Variants in GMDS observed in about 807,000 individuals in gnomAD.
GMDS encodes the protein GDP-mannose 4,6 dehydratase.
A neutral mutation model predicts 49.9 loss-of-function variants in GMDS; 20 were observed. That is an observed-to-expected ratio of 0.40 (90% CI 0.28 to 0.58). The LOEUF is 0.58. Ranked by LOEUF, GMDS falls within the 20% of genes least tolerant of loss-of-function variation. The pLI is 0.42. For synonymous variants in GMDS, 177 were observed against 178.6 expected (o/e 0.99, Z 0.07); for missense variants, 362 against 481.4 (o/e 0.75, Z 2.32).
chr6:2,175,059 G>A (rs560478515), intron 1 of GMDS, among the ~76,000 whole-genome samples: 2 of 152,148 alleles, frequency 1.3e-5, no homozygotes, highest in South Asian at 2.1e-4. Flanking sequence ...GAAGGGGAAG[G>A]GGGGTGAGGG....
intron 7 of GMDS, among the ~76,000 whole-genome samples, chr6:1,787,696 C>A (rs1242420102): frequency 6.6e-6 from 1 of 152,086 alleles, no homozygotes; most frequent in Admixed American, 6.5e-5. Flanking sequence ...TTCCTGGACA[C>A]CAAAGACAGA....
chr6:2,242,885 A>C (rs7741945), intron 1 of GMDS, among the ~76,000 whole-genome samples: 6,253 of 152,264 alleles, frequency 0.041, 419 homozygotes, highest in African/African-American at 0.14. Flanking sequence ...ACATACAATA[A>C]GGTATGGATT....
intron 7 of GMDS, among the ~76,000 whole-genome samples, chr6:1,916,820 C>T (rs1761428113): frequency 6.6e-6 from 1 of 151,964 alleles, no homozygotes; most frequent in Non-Finnish European, 1.5e-5. Flanking sequence ...GAGGCTTCTA[C>T]TGCCACTGAC....
intron 4 of GMDS, among the ~76,000 whole-genome samples, chr6:2,050,203 C>T (rs1215375595): frequency 6.6e-6 from 1 of 152,040 alleles, no homozygotes; most frequent in South Asian, 2.1e-4. Context: ...ATATCACCAC[C>T]GATCTCACAG....
chr6:1,999,195 G>A (rs1766495002), intron 4 of GMDS, among the ~76,000 whole-genome samples: 1 of 151,824 alleles, frequency 6.6e-6, no homozygotes, highest in Non-Finnish European at 1.5e-5. Context: ...GGTGGTGCAT[G>A]CCTGTAATTC....
At chr6:1,929,216 A>G (rs1762170364) in intron 7 of GMDS, among the ~76,000 whole-genome samples, 1 of 152,232 alleles carries the variant, frequency 6.6e-6, no homozygotes, top group Non-Finnish European at 1.5e-5. Flanking sequence ...TGCATAAATG[A>G]ACAAGAAAGC....
chr6:2,021,114 A>C (rs564743332), intron 4 of GMDS, among the ~76,000 whole-genome samples: 8 of 152,292 alleles, frequency 5.3e-5, no homozygotes, highest in African/African-American at 1.9e-4. Flanking sequence ...CCTTACTCTG[A>C]TTAGGAGGAG....
In GMDS at chr6:1,835,875, ATTTAT is replaced by A. The variant is rs1465471405; in HGVS notation, c.772-93294_772-93290del. ...TGCTTTTTATTTTATTTTATTTTTT[ATTTAT>A]TTTATTTTATTATTATTTTTTTGAG... On this transcript the variant is annotated intron_variant, in intron 7 of 10. Coordinates refer to ENST00000380815, the MANE Select transcript of GMDS (RefSeq NM_001500.4). Among the ~76,000 whole-genome samples the A allele has an allele frequency of 1.6e-4, 24 of 151,576 alleles. No homozygotes were observed. The East Asian group carries it at 4.1e-3, about 26-fold the overall frequency.
intron 7 of GMDS, among the ~76,000 whole-genome samples, chr6:1,872,245 C>T (rs1321671746): frequency 6.6e-6 from 1 of 152,204 alleles, no homozygotes; most frequent in Non-Finnish European, 1.5e-5. Flanking sequence ...GCAGGGATTG[C>T]TTGTTTTCAC....
chr6:1,796,773 C>G (rs901314527), intron 7 of GMDS, among the ~76,000 whole-genome samples: 12 of 152,182 alleles, frequency 7.9e-5, no homozygotes, highest in Non-Finnish European at 8.8e-5. Context: ...CTTGAGGAAG[C>G]AGAGAACAAG....
At chr6:2,087,919 C>T (rs1162337243) in intron 4 of GMDS, among the ~76,000 whole-genome samples, 1 of 152,162 alleles carries the variant, frequency 6.6e-6, no homozygotes, top group Non-Finnish European at 1.5e-5. Flanking sequence ...TGCGCATCTT[C>T]TGTTGACATT....
At chr6:1,767,260 C>T (rs1768396236) in intron 7 of GMDS, among the ~76,000 whole-genome samples, 1 of 141,778 alleles carries the variant, frequency 7.1e-6, no homozygotes, top group Non-Finnish European at 1.5e-5. Flanking sequence ...TGGCTAATTA[C>T]AAAATAATTA....
At chr6:1,727,132 G>A (rs1202217733) in intron 8 of GMDS, among the ~76,000 whole-genome samples, 6 of 152,110 alleles carry the variant, frequency 3.9e-5, no homozygotes, top group Non-Finnish European at 8.8e-5. Context: ...CCTGCTGAGT[G>A]AGGGTATATC....
At position 1,716,345 on chromosome 6, in the gene GMDS, C is replaced by T. The variant is rs976630320; in HGVS notation, c.987+10071G>A. 7.2e-5 allele frequency among the ~76,000 whole-genome samples: 11 copies of T among 152,128 alleles called. No individual in the cohort carries two copies. In the South Asian group the frequency reaches 1.7e-3, roughly 23 times the overall value. On this transcript the variant is annotated intron_variant, in intron 9 of 10. Coordinates refer to ENST00000380815, the MANE Select transcript of GMDS (RefSeq NM_001500.4). ...AACTTGTTTAACTAACTTAATGGAA[C>T]AGGTGAGGAGACACTCTTCCAGAAT...
rs1489980299 is a variant in GMDS, at chr6:2,245,601, G to C, written c.-179C>G. On this transcript the variant is annotated 5_prime_UTR_variant, in exon 1 of 11. Coordinates refer to ENST00000380815, the MANE Select transcript of GMDS (RefSeq NM_001500.4). Reference sequence around the variant, plus strand: ...ACAGGGGCGCACGGGAGGCCGTGCAGGGAGGGCCGGGGGCGGGCCGAGCCG... The same window carrying C: ...ACAGGGGCGCACGGGAGGCCGTGCACGGAGGGCCGGGGGCGGGCCGAGCCG... 2.7e-6 allele frequency: 1 copy of C among 372,474 alleles called. No homozygotes were observed. The highest frequency in any genetic ancestry group is 4.7e-6 in the Non-Finnish European group (1 of 211,632). 23.1% of individuals were successfully genotyped at this position (372,474 alleles called of 1,614,324 possible). A position where few individuals can be genotyped will look rare whatever the true frequency, so the allele number is the denominator to read the frequency against.
Position 1,723,163 on chromosome 6 carries a change from CAAGCTAGTACCTGCCTTTGCTGAGCA to C in GMDS, c.987+3227_987+3252del, listed in dbSNP as rs550136260. On this transcript the variant is annotated intron_variant, in intron 9 of 10. Transcript: ENST00000380815. ...CTATGGAACCACTGGTGGCCTCTTT[CAAGCTAGTACCTGCCTTTGCTGAGCA>C]AAGGGCCATTTTTGAGACCATTCTG... Among the ~76,000 whole-genome samples, 239 of 152,266 alleles carry C rather than the reference CAAGCTAGTACCTGCCTTTGCTGAGCA, an allele frequency of 1.6e-3. 1 individual carries two copies. In the Middle Eastern group the frequency reaches 0.017, roughly 11 times the overall value.
intron 1 of GMDS, among the ~76,000 whole-genome samples, chr6:2,209,105 A>G (rs1403884686): frequency 6.6e-6 from 1 of 152,180 alleles, no homozygotes; most frequent in African/African-American, 2.4e-5. Context: ...AGAAATCAAG[A>G]TTTATTAGAT....
chr6:1,625,240 C>A (rs930700515), intron 9 of GMDS: 3 of 152,272 alleles, frequency 2.0e-5, no homozygotes, highest in African/African-American at 7.2e-5. Flanking sequence ...CCCGCACACA[C>A]GCGTTCATAA....
intron 6 of GMDS, among the ~76,000 whole-genome samples, chr6:1,940,189 G>GCATGCATA (rs1554136032): frequency 2.6e-5 from 4 of 152,282 alleles, no homozygotes; most frequent in East Asian, 3.9e-4. Flanking sequence ...ATGCATGCAT[G>GCATGCATA]CATACATACA....
Sources: gnomAD v4.1 joint callset for allele counts (sites outside exome capture counted in the v4.1 genomes callset) on GRCh38, gnomAD v4.1.1 for gene constraint, MANE v1.5 for transcripts, NCBI Gene and HGNC (gene_info 2026-07-23, HGNC 2026-07-21) for gene names.